Variants in SRRM4 observed in about 807,000 individuals in gnomAD.
The protein encoded by SRRM4 is serine/arginine repetitive matrix protein 4.
In SRRM4, 33 loss-of-function variants were observed where a neutral mutation model predicts 68.9. The observed-to-expected ratio is 0.48, with a 90% confidence interval of 0.36 to 0.64. The LOEUF is 0.64. Among genes scored for constraint, SRRM4 ranks in the 30% least tolerant of loss-of-function variants. SRRM4 has a pLI of 0.00. For synonymous variants in SRRM4, 318 were observed against 318.8 expected, an observed-to-expected ratio of 1.00 and a Z score of 0.03; for missense variants, 817 against 827.1, an observed-to-expected ratio of 0.99 and a Z score of 0.15.
At chr12:119,142,277 GA>G in intron 8 of SRRM4, among the ~76,000 whole-genome samples, 1 of 152,334 alleles carries the variant, frequency 6.6e-6, no homozygotes, top group Non-Finnish European at 1.5e-5. Context: ...AACCCAATGA[GA>G]ACATTTCAAT....
chr12:119,043,807 C>A (rs955019227), intron 1 of SRRM4, among the ~76,000 whole-genome samples: 1 of 151,430 alleles, frequency 6.6e-6, no homozygotes, highest in Admixed American at 6.6e-5. Context: ...CACACACACA[C>A]AAGTCTTGGG....
chr12:119,128,861 C>T (rs1272583658), intron 7 of SRRM4, among the ~76,000 whole-genome samples: 1 of 152,238 alleles, frequency 6.6e-6, no homozygotes, highest in African/African-American at 2.4e-5. Context: ...CAAACACTAC[C>T]CCGGGCCTCC....
At chr12:119,144,273 G>A (rs1954386538) in intron 8 of SRRM4, among the ~76,000 whole-genome samples, 1 of 152,116 alleles carries the variant, frequency 6.6e-6, no homozygotes, top group African/African-American at 2.4e-5. Context: ...AGCTGCCACT[G>A]GCATGTTCCA....
At chr12:118,990,429 C>G (rs144214900) in intron 1 of SRRM4, among the ~76,000 whole-genome samples, 1 of 152,100 alleles carries the variant, frequency 6.6e-6, no homozygotes, top group Admixed American at 6.6e-5. Flanking sequence ...CTATTTGGTT[C>G]GGCTTTGTCT....
At chr12:119,088,352 C>A (rs374360618) in intron 1 of SRRM4, among the ~76,000 whole-genome samples, 2 of 152,094 alleles carry the variant, frequency 1.3e-5, no homozygotes, top group South Asian at 2.1e-4. Context: ...AAGTCATGCA[C>A]CCCCCTCAAC....
At position 119,102,167 on chromosome 12, in the gene SRRM4, A is replaced by C. The variant is rs536845044; in HGVS notation, c.132-69A>C. 2.4e-5 allele frequency: 35 copies of C among 1,436,292 alleles called. No individual in the cohort carries two copies. In the African/African-American group the frequency reaches 4.6e-4, roughly 19 times the overall value. The allele number at this position is 1,436,292 out of a possible 1,614,324, so 89.0% of individuals were successfully genotyped here. A position where few individuals can be genotyped will look rare whatever the true frequency, so the allele number is the denominator to read the frequency against. On this transcript the variant is annotated intron_variant, in intron 1 of 12. Transcript: ENST00000267260. ...GCTGGGAAATACTAGTAATTCTATG[A>C]ATATTTAATGAACATTAAGTGTCTC...
At chr12:119,049,127 C>T (rs1050658060) in intron 1 of SRRM4, among the ~76,000 whole-genome samples, 1 of 152,152 alleles carries the variant, frequency 6.6e-6, no homozygotes, top group East Asian at 1.9e-4. Context: ...CAAGTAAATA[C>T]ACAGTGTGAA....
At chr12:119,026,896 C>A (rs1953552254) in intron 1 of SRRM4, among the ~76,000 whole-genome samples, 1 of 152,168 alleles carries the variant, frequency 6.6e-6, no homozygotes, top group Non-Finnish European at 1.5e-5. Context: ...AGTTTATCCA[C>A]AACACCTCGG....
intron 2 of SRRM4, among the ~76,000 whole-genome samples, chr12:119,107,839 T>C (rs1180211215): frequency 6.6e-6 from 1 of 152,226 alleles, no homozygotes; most frequent in Non-Finnish European, 1.5e-5. Context: ...ATCTTAGTTA[T>C]TTCTTGCCTT....
chr12:119,061,872 G>T (rs2136021879), intron 1 of SRRM4, among the ~76,000 whole-genome samples: 1 of 151,960 alleles, frequency 6.6e-6, no homozygotes, highest in Admixed American at 6.6e-5. Flanking sequence ...ACAACCAAAA[G>T]TGTCTCCAGA....
chr12:119,013,135 A>G (rs1245101747), intron 1 of SRRM4, among the ~76,000 whole-genome samples: 1 of 152,228 alleles, frequency 6.6e-6, no homozygotes, highest in Non-Finnish European at 1.5e-5. Flanking sequence ...TACTAGATCA[A>G]TGTTTGCACA....
At chr12:119,092,171 A>C (rs1954017909) in intron 1 of SRRM4, among the ~76,000 whole-genome samples, 1 of 152,046 alleles carries the variant, frequency 6.6e-6, no homozygotes, top group African/African-American at 2.4e-5. Context: ...GTAGAATGCC[A>C]CTGGAGCTTA....
Position 118,981,844 on chromosome 12 carries a change from G to T in SRRM4, c.-39G>T. On this transcript the variant is annotated 5_prime_UTR_variant, in exon 1 of 13. Transcript: ENST00000267260. ...TTTGGAATCCACGTTTCAGCACTTT[G>T]GACAGCGCCCCGGACGCCCCGGCCC... The T allele has an allele frequency of 1.3e-6, 2 of 1,593,420 alleles. No individual in the cohort carries two copies. Among genetic ancestry groups the T allele is most frequent in the Non-Finnish European group, 1.7e-6 (2 of 1,168,834 alleles).
chr12:119,014,331 GT>G (rs1953468358), intron 1 of SRRM4, among the ~76,000 whole-genome samples: 1 of 152,028 alleles, frequency 6.6e-6, no homozygotes, highest in African/African-American at 2.4e-5. Flanking sequence ...AAAATTATAG[GT>G]AGCTTTTGGA....
At chr12:119,014,552 C>T (rs1482292046) in intron 1 of SRRM4, among the ~76,000 whole-genome samples, 1 of 152,144 alleles carries the variant, frequency 6.6e-6, no homozygotes, top group Non-Finnish European at 1.5e-5. Context: ...GGGCTATTTC[C>T]CAGATCCAAG....
intron 1 of SRRM4, among the ~76,000 whole-genome samples, chr12:119,090,847 A>G (rs1309769616): frequency 6.6e-6 from 1 of 152,168 alleles, no homozygotes; most frequent in Non-Finnish European, 1.5e-5. Context: ...CCAAGCTGGC[A>G]ATCTCAGTTT....
At chr12:119,145,182 G>A (rs1379015768) in intron 8 of SRRM4, among the ~76,000 whole-genome samples, 199 bp from the exon 9 acceptor site, 6 of 151,648 alleles carry the variant, frequency 4.0e-5, no homozygotes, top group Non-Finnish European at 8.8e-5. Context: ...TATCCTAGCA[G>A]GGGGTAAAAA....
At chr12:119,056,649 G>A (rs1051749997) in intron 1 of SRRM4, among the ~76,000 whole-genome samples, 6 of 151,686 alleles carry the variant, frequency 4.0e-5, no homozygotes, top group African/African-American at 1.5e-4. Flanking sequence ...CCACCTCAGG[G>A]CCTTTGCACA....
intron 1 of SRRM4, among the ~76,000 whole-genome samples, chr12:118,986,183 G>C (rs371838515): frequency 2.0e-5 from 3 of 152,194 alleles, no homozygotes; most frequent in East Asian, 3.9e-4. Context: ...AGTTTGTGCT[G>C]ACTTGATCAT....
Sources: gnomAD v4.1 joint callset for allele counts (sites outside exome capture counted in the v4.1 genomes callset) on GRCh38, gnomAD v4.1.1 for gene constraint, MANE v1.5 for transcripts, NCBI Gene and HGNC (gene_info 2026-07-23, HGNC 2026-07-21) for gene names.